KCNQ3: variants seen among roughly 807,000 people sequenced by gnomAD.
KCNQ3 encodes the protein potassium voltage-gated channel subfamily Q member 3.
KCNQ3 carries 30 observed loss-of-function variants against 92.5 expected under a neutral mutation model. That is an observed-to-expected ratio of 0.32 (90% confidence interval 0.24 to 0.44). KCNQ3 has a LOEUF of 0.44. KCNQ3 is among the 20% of genes least tolerant of loss of function. The pLI is 1.00. For missense variants in KCNQ3, 913 were observed against 1,140.3 expected (o/e 0.80, Z 2.87); for synonymous variants, 450 against 468.8 (o/e 0.96, Z 0.52).
chr8:132,229,256 G>C (rs998023858), intron 1 of KCNQ3, among the ~76,000 whole-genome samples: 2 of 120,008 alleles, frequency 1.7e-5, no homozygotes, highest in Admixed American at 1.8e-4. Context: ...GTGAGACTCC[G>C]TCTCAAAAAA....
chr8:132,389,714 CACA>C (rs1349055642), intron 1 of KCNQ3, among the ~76,000 whole-genome samples: 2 of 152,112 alleles, frequency 1.3e-5, no homozygotes, highest in East Asian at 3.9e-4. Context: ...AGATTAAAGC[CACA>C]ACAAGACACT....
intron 1 of KCNQ3, among the ~76,000 whole-genome samples, chr8:132,236,883 T>C (rs1449397809): frequency 6.6e-6 from 1 of 152,230 alleles, no homozygotes; most frequent in African/African-American, 2.4e-5. Flanking sequence ...TCAGGGCACA[T>C]GGGTGGCCTC....
At chr8:132,299,591 A>G (rs1363010911) in intron 1 of KCNQ3, among the ~76,000 whole-genome samples, 1 of 152,224 alleles carries the variant, frequency 6.6e-6, no homozygotes. Context: ...AGAAGGGAAA[A>G]TGAATTTCAA....
chr8:132,134,514 GGAGAA>G, intron 12 of KCNQ3, 126 bp from the exon 13 acceptor site: 1 of 648,072 alleles, frequency 1.5e-6, no homozygotes, highest in South Asian at 1.6e-5. Flanking sequence ...GGAGAGGAGA[GGAGAA>G]GTGAGGAGAG....
At chr8:132,323,794 G>A (rs912922334) in intron 1 of KCNQ3, among the ~76,000 whole-genome samples, 1 of 151,896 alleles carries the variant, frequency 6.6e-6, no homozygotes, top group Non-Finnish European at 1.5e-5. Context: ...TCGGCCTTGC[G>A]CACCTCAATT....
intron 1 of KCNQ3, among the ~76,000 whole-genome samples, chr8:132,220,029 A>G (rs1305080925): frequency 4.6e-5 from 7 of 152,162 alleles, no homozygotes; most frequent in Non-Finnish European, 7.3e-5. Flanking sequence ...TTCTCTTTCC[A>G]TCGCACCATG....
intron 1 of KCNQ3, chr8:132,186,516 T>G: frequency 2.7e-6 from 1 of 370,780 alleles, no homozygotes; most frequent in Non-Finnish European, 5.3e-6. Flanking sequence ...AGACAACTTT[T>G]CACAAGTCAT....
chr8:132,461,414 AAC>A (rs1159879790), intron 1 of KCNQ3, among the ~76,000 whole-genome samples: 2 of 152,078 alleles, frequency 1.3e-5, no homozygotes, highest in South Asian at 2.1e-4. Flanking sequence ...AAAATACAAA[AAC>A]TAGCCGGGCG....
intron 1 of KCNQ3, among the ~76,000 whole-genome samples, chr8:132,266,342 C>A (rs1483339640): frequency 2.0e-5 from 3 of 152,162 alleles, no homozygotes; most frequent in Non-Finnish European, 4.4e-5. Flanking sequence ...GGACAAAACC[C>A]AGCATCTCTT....
intron 1 of KCNQ3, among the ~76,000 whole-genome samples, chr8:132,399,685 G>A (rs947629257): frequency 1.3e-5 from 2 of 152,096 alleles, no homozygotes; most frequent in African/African-American, 2.4e-5. Context: ...CGCAATACAC[G>A]CTCACACATA....
At chr8:132,350,343 C>A (rs1047238045) in intron 1 of KCNQ3, among the ~76,000 whole-genome samples, 8 of 152,194 alleles carry the variant, frequency 5.3e-5, no homozygotes, top group Admixed American at 4.6e-4. Context: ...TCTAACTCGC[C>A]CTAGCTGGTG....
intron 1 of KCNQ3, among the ~76,000 whole-genome samples, chr8:132,245,739 T>C (rs1815151636): frequency 6.6e-6 from 1 of 152,160 alleles, no homozygotes. Context: ...AACATTTAGA[T>C]TATCTAATTC....
intron 1 of KCNQ3, among the ~76,000 whole-genome samples, chr8:132,287,214 G>A (rs1816703018): frequency 6.6e-6 from 1 of 152,180 alleles, no homozygotes; most frequent in African/African-American, 2.4e-5. Context: ...CCGTGTAGCA[G>A]TTCAAAGACT....
At chr8:132,192,178 C>A (rs545484221) in intron 1 of KCNQ3, among the ~76,000 whole-genome samples, 1 of 152,202 alleles carries the variant, frequency 6.6e-6, no homozygotes, top group African/African-American at 2.4e-5. Flanking sequence ...AGGGAGCCTG[C>A]GGAGCCCATC....
chr8:132,450,960 T>C (rs2130849411), intron 1 of KCNQ3, among the ~76,000 whole-genome samples: 1 of 152,376 alleles, frequency 6.6e-6, no homozygotes, highest in South Asian at 2.1e-4. Context: ...ATAACGTCTG[T>C]GATGCCCTTT....
intron 9 of KCNQ3, among the ~76,000 whole-genome samples, chr8:132,161,444 C>T (rs892901227): frequency 1.3e-5 from 2 of 152,010 alleles, no homozygotes; most frequent in African/African-American, 4.8e-5. Flanking sequence ...GCTTGGCCAA[C>T]ATGGTGAAAC....
chr8:132,390,798 G>A (rs2721911), intron 1 of KCNQ3, among the ~76,000 whole-genome samples: 117,238 of 152,202 alleles, frequency 0.77, 45,482 homozygotes, highest in South Asian at 0.91. Context: ...TTAAGTACCC[G>A]ATCAGCATTA....
intron 1 of KCNQ3, among the ~76,000 whole-genome samples, chr8:132,377,828 T>G (rs971386067): frequency 6.6e-6 from 1 of 152,204 alleles, no homozygotes; most frequent in African/African-American, 2.4e-5. Flanking sequence ...AAGGTCTTTC[T>G]TAGAAGATTA....
chr8:132,150,389 T>G (rs1399955436), intron 9 of KCNQ3, among the ~76,000 whole-genome samples: 1 of 152,156 alleles, frequency 6.6e-6, no homozygotes, highest in Non-Finnish European at 1.5e-5. Flanking sequence ...TTTTGTGGTT[T>G]GTTGATTCCC....
Sources: gnomAD v4.1 joint callset for allele counts (sites outside exome capture counted in the v4.1 genomes callset) on GRCh38, gnomAD v4.1.1 for gene constraint, MANE v1.5 for transcripts, NCBI Gene and HGNC (gene_info 2026-07-23, HGNC 2026-07-21) for gene names.